Variants in CHST8 observed in about 807,000 individuals in gnomAD.
CHST8 encodes the protein GALNAC-4-ST1.
CHST8 carries 10 observed loss-of-function variants against 15.0 expected under a neutral mutation model. The observed-to-expected ratio is 0.67, with a 90% CI of 0.41 to 1.13. CHST8 has a LOEUF of 1.13. Ranked by LOEUF, CHST8 falls within the 50% of genes most tolerant of loss-of-function variation. The pLI is 0.00. For missense variants in CHST8, 634 were observed against 608.2 expected (o/e 1.04, Z -0.45); for synonymous variants, 259 against 256.6 (o/e 1.01, Z -0.09).
At chr19:33,743,022 A>C (rs1020715171) in intron 3 of CHST8, among the ~76,000 whole-genome samples, 18 of 151,298 alleles carry the variant, frequency 1.2e-4, no homozygotes, top group African/African-American at 4.4e-4. Flanking sequence ...TGCTTCCTGA[A>C]CTCTCTGGGC....
At chr19:33,648,468 T>G (rs1346359756) in intron 1 of CHST8, among the ~76,000 whole-genome samples, 3 of 152,206 alleles carry the variant, frequency 2.0e-5, no homozygotes, top group Non-Finnish European at 4.4e-5. Flanking sequence ...ACATTTCATG[T>G]CAATTGAATC....
chr19:33,665,440 G>A (rs1039647649), intron 1 of CHST8, among the ~76,000 whole-genome samples: 4 of 152,172 alleles, frequency 2.6e-5, no homozygotes, highest in African/African-American at 7.2e-5. Context: ...AGGCGTGGCT[G>A]TGTTCCAATA....
Position 33,659,612 on chromosome 19 carries a change from T to G in CHST8, c.-163-8155T>G, listed in dbSNP as rs113953982. ...TGGGAGGCCGAGGTGGGAGGCCTGC[T>G]TGAGCCCAGGAGTTGGAGAGATCTT... On this transcript the variant is annotated intron_variant, in intron 1 of 4. Coordinates refer to ENST00000650847, the MANE Select transcript of CHST8 (RefSeq NM_001127895.2). Among the ~76,000 whole-genome samples the G allele has an allele frequency of 7.3e-3, 1,112 of 152,130 alleles. 11 individuals carry two copies. The highest frequency in any genetic ancestry group is 0.02 in the Middle Eastern group (6 of 294).
At chr19:33,705,078 C>G (rs1338405485) in intron 3 of CHST8, among the ~76,000 whole-genome samples, 1 of 152,092 alleles carries the variant, frequency 6.6e-6, no homozygotes, top group Admixed American at 6.5e-5. Flanking sequence ...TTCCAATACC[C>G]TAAACCCCCG....
chr19:33,722,818 T>A (rs1973824787), intron 3 of CHST8, among the ~76,000 whole-genome samples: 1 of 152,222 alleles, frequency 6.6e-6, no homozygotes, highest in Non-Finnish European at 1.5e-5. Flanking sequence ...TTTGATGTTC[T>A]CCAGTTAGTC....
At chr19:33,764,006 G>A (rs1974784781) in intron 3 of CHST8, among the ~76,000 whole-genome samples, 1 of 152,246 alleles carries the variant, frequency 6.6e-6, no homozygotes, top group South Asian at 2.1e-4. Context: ...GACTCCTCCA[G>A]TGGGATTGCC....
chr19:33,689,426 C>T, intron 3 of CHST8, 35 bp downstream of exon 3: 5 of 1,522,248 alleles, frequency 3.3e-6, no homozygotes, highest in Non-Finnish European at 2.6e-6. Flanking sequence ...CATCACTGCC[C>T]CCAGCTTTCC....
At chr19:33,647,602 T>G (rs904433808) in intron 1 of CHST8, among the ~76,000 whole-genome samples, 1 of 152,040 alleles carries the variant, frequency 6.6e-6, no homozygotes, top group African/African-American at 2.4e-5. Context: ...TCCTAGCACT[T>G]TGGGAGGCGG....
Position 33,747,720 on chromosome 19 carries a change from G to T in CHST8, c.131-23693G>T, listed in dbSNP as rs188189003. Among the ~76,000 whole-genome samples, 17 of 152,312 alleles carry T rather than the reference G, an allele frequency of 1.1e-4. No individual in the cohort carries two copies. The East Asian group carries it at 3.1e-3, about 28-fold the overall frequency. On this transcript the variant is annotated intron_variant, in intron 3 of 4. Coordinates refer to ENST00000650847, the MANE Select transcript of CHST8 (RefSeq NM_001127895.2). ...AGAATTCTGTTTCTGAAACTGGGTG[G>T]TGAATACCTGGCTGTTTGTTTTCTT...
At chr19:33,762,711 T>A (rs943960570) in intron 3 of CHST8, among the ~76,000 whole-genome samples, 1 of 152,182 alleles carries the variant, frequency 6.6e-6, no homozygotes, top group Non-Finnish European at 1.5e-5. Context: ...TGTGTCCCAT[T>A]TGGTGTGCAC....
chr19:33,736,794 C>T (rs577380615), intron 3 of CHST8, among the ~76,000 whole-genome samples: 12 of 152,262 alleles, frequency 7.9e-5, no homozygotes, highest in African/African-American at 2.9e-4. Context: ...CAGCCCACAG[C>T]TTTGTCCCCA....
chr19:33,757,371 C>A (rs7256115), intron 3 of CHST8, among the ~76,000 whole-genome samples: 1 of 133,626 alleles, frequency 7.5e-6, no homozygotes, highest in African/African-American at 2.9e-5. Flanking sequence ...CAGAGTGAGA[C>A]GCGGTCTCAA....
intron 3 of CHST8, among the ~76,000 whole-genome samples, chr19:33,721,754 A>G (rs1042833741): frequency 6.6e-6 from 1 of 151,818 alleles, no homozygotes; most frequent in Non-Finnish European, 1.5e-5. Flanking sequence ...GGATAGATGG[A>G]TGGAAAGTTG....
chr19:33,632,311 G>A (rs756909102), intron 1 of CHST8, among the ~76,000 whole-genome samples: 2 of 151,788 alleles, frequency 1.3e-5, no homozygotes, highest in Admixed American at 6.6e-5. Flanking sequence ...GGCTATTGTT[G>A]TTTGTTTGTT....
intron 3 of CHST8, among the ~76,000 whole-genome samples, chr19:33,763,285 T>C (rs1974772565): frequency 6.6e-6 from 1 of 152,092 alleles, no homozygotes; most frequent in South Asian, 2.1e-4. Flanking sequence ...GAGCCAAAGG[T>C]CACTGTGACT....
At chr19:33,677,492 C>T (rs1051044289) in intron 2 of CHST8, among the ~76,000 whole-genome samples, 6 of 152,124 alleles carry the variant, frequency 3.9e-5, no homozygotes, top group Admixed American at 1.3e-4. Context: ...TGAGACCGGC[C>T]GTGGAGGAGC....
rs1323108481 is a variant in CHST8 at position 33,621,961 on chromosome 19, G to C, written c.-499G>C. On this transcript the variant is annotated 5_prime_UTR_variant, in exon 1 of 5. Coordinates refer to ENST00000650847, the MANE Select transcript of CHST8 (RefSeq NM_001127895.2). ...CCGGAGGCTTCGCTCTCACTTCGCTGGGAGCCTTCCCGGCGCGCAAGCCGG... is the reference window on the plus strand; with the variant it reads ...CCGGAGGCTTCGCTCTCACTTCGCTCGGAGCCTTCCCGGCGCGCAAGCCGG... 6.6e-6 allele frequency: 1 copy of C among 151,984 alleles called. No individual in the cohort carries two copies. The highest frequency in any genetic ancestry group is 1.5e-5 in the Non-Finnish European group (1 of 67,932). 9.4% of individuals were successfully genotyped at this position (151,984 alleles called of 1,614,324 possible).
rs1973727585 is a variant in CHST8, at chr19:33,719,096, A to G, written c.130+29705A>G. Among the ~76,000 whole-genome samples the G allele has an allele frequency of 2.0e-5, 3 of 152,128 alleles. No homozygotes were observed. In the South Asian group the frequency reaches 6.2e-4, roughly 31 times the overall value. On this transcript the variant is annotated intron_variant, in intron 3 of 4. Coordinates refer to ENST00000650847, the MANE Select transcript of CHST8 (RefSeq NM_001127895.2). ...CCCTGCCAGTGATGTCATAGGTGTGACACTGCAGCCAAAGACCAGGCGAAC... is the reference window on the plus strand; with the variant it reads ...CCCTGCCAGTGATGTCATAGGTGTGGCACTGCAGCCAAAGACCAGGCGAAC...
chr19:33,710,120 A>G (rs559785977), intron 3 of CHST8, among the ~76,000 whole-genome samples: 17 of 152,230 alleles, frequency 1.1e-4, no homozygotes, highest in African/African-American at 4.1e-4. Context: ...ATTTCATTCA[A>G]GTTGTCTCAT....
Sources: allele counts gnomAD v4.1 joint callset (sites outside exome capture counted in the v4.1 genomes callset), GRCh38; gene constraint gnomAD v4.1.1; transcripts MANE v1.5; gene names NCBI Gene and HGNC (gene_info 2026-07-23, HGNC 2026-07-21).